The following SMYD3 variants were observed in gnomAD, a reference collection of about 807,000 sequenced individuals.
The protein encoded by SMYD3 is SET and MYND domain containing 3, also known as histone-lysine N-methyltransferase SMYD3.
A neutral mutation model predicts 57.7 loss-of-function variants in SMYD3; 36 were observed. The observed-to-expected ratio is 0.62, with a 90% confidence interval of 0.48 to 0.82. The LOEUF (loss-of-function observed/expected upper bound fraction) is 0.82, where lower values mean the gene tolerates loss of function less well. Ranked by LOEUF, SMYD3 falls within the 40% of genes least tolerant of loss-of-function variation. SMYD3 has a pLI of 0.00. For synonymous variants in SMYD3, 211 were observed against 195.0 expected (o/e 1.08, Z -0.68); for missense variants, 515 against 538.8 (o/e 0.96, Z 0.44).
At chr1:245,918,076 C>T (rs934127885) in intron 7 of SMYD3, among the ~76,000 whole-genome samples, 3 of 152,168 alleles carry the variant, frequency 2.0e-5, no homozygotes, top group African/African-American at 4.8e-5. Context: ...CCACCATGGC[C>T]GTCACCATCA....
intron 5 of SMYD3, among the ~76,000 whole-genome samples, chr1:246,057,563 C>T (rs1271814504): frequency 6.6e-6 from 1 of 152,136 alleles, no homozygotes; most frequent in African/African-American, 2.4e-5. Context: ...TACCACTACG[C>T]ACATATTAGA....
chr1:246,428,049 T>A (rs886664822), intron 1 of SMYD3, among the ~76,000 whole-genome samples: 2 of 152,128 alleles, frequency 1.3e-5, no homozygotes, highest in Admixed American at 1.3e-4. Flanking sequence ...TATAAAAAAA[T>A]TTTAGACCTC....
chr1:245,879,167 G>C (rs925645004), intron 8 of SMYD3, among the ~76,000 whole-genome samples: 1 of 152,170 alleles, frequency 6.6e-6, no homozygotes, highest in Non-Finnish European at 1.5e-5. Context: ...CAGTCGCTTA[G>C]GTTCCCATTT....
chr1:246,323,676 G>T (rs1456746499), intron 5 of SMYD3, among the ~76,000 whole-genome samples: 1 of 152,070 alleles, frequency 6.6e-6, no homozygotes, highest in African/African-American at 2.4e-5. Context: ...TTGACCTGCT[G>T]AAGTTTTCTG....
chr1:245,753,837 G>A (rs1222531150), intron 11 of SMYD3, among the ~76,000 whole-genome samples: 1 of 152,256 alleles, frequency 6.6e-6, no homozygotes, highest in Non-Finnish European at 1.5e-5. Flanking sequence ...CCATGCGCAT[G>A]TCAGAGAGGA....
chr1:246,065,368 G>A (rs897957245), intron 5 of SMYD3, among the ~76,000 whole-genome samples: 1 of 152,138 alleles, frequency 6.6e-6, no homozygotes, highest in African/African-American at 2.4e-5. Context: ...CTGAAAAACT[G>A]GGTAAAATGA....
chr1:246,507,056 G>A lies in SMYD3; in HGVS notation c.162C>T (p.Leu54=), dbSNP rs1278386828. ...SRGVVCDRCL[L]GKEKLMRCSQ... ...AGGCGAGGGCGCTCCTTACGCACCC[G>A]AGAAGGCAGCGGTCGCAGACGACGC... Residue 54 remains leucine, a splice_region_variant and synonymous_variant, in exon 1 of 12, where the codon CTC becomes CTT. Coordinates refer to ENST00000490107, the MANE Select transcript of SMYD3 (RefSeq NM_001167740.2). 3 of 1,409,408 alleles carry A rather than the reference G, an allele frequency of 2.1e-6. No individual in the cohort carries two copies. The highest frequency in any genetic ancestry group is 2.8e-6 in the Non-Finnish European group (3 of 1,070,806). 87.3% of individuals were successfully genotyped at this position (1,409,408 alleles called of 1,614,324 possible). A position where few individuals can be genotyped will look rare whatever the true frequency, so the allele number is the denominator to read the frequency against.
intron 10 of SMYD3, among the ~76,000 whole-genome samples, chr1:245,773,894 C>T (rs911790778): frequency 6.6e-6 from 1 of 152,174 alleles, no homozygotes; most frequent in Admixed American, 6.5e-5. Flanking sequence ...TCATTCAGAT[C>T]ATTCCTCAAG....
chr1:246,189,724 C>T (rs746278626), intron 5 of SMYD3, among the ~76,000 whole-genome samples: 45 of 152,082 alleles, frequency 3.0e-4, no homozygotes, highest in Non-Finnish European at 6.0e-4. Context: ...AAAGAGACCC[C>T]CTACGGTTTA....
intron 8 of SMYD3, among the ~76,000 whole-genome samples, chr1:245,902,519 G>A (rs539431959): frequency 6.6e-6 from 1 of 152,312 alleles, no homozygotes; most frequent in Admixed American, 6.5e-5. Flanking sequence ...CCCATCTCCA[G>A]TGGTGCCATA....
rs533470080 is a variant in SMYD3 at position 246,002,598 on chromosome 1, G to T, written c.532-72661C>A. On this transcript the variant is annotated intron_variant, in intron 5 of 11. Transcript: ENST00000490107. ...CTCCCAAAGTGCTGGGATTACAGGC[G>T]CCCGCCACCACGCCCGGCTAATTTT... Among the ~76,000 whole-genome samples, 654 of 129,268 alleles carry T rather than the reference G, an allele frequency of 5.1e-3. 1 individual carries two copies. Among genetic ancestry groups the T allele is most frequent in the African/African-American group, 0.017 (574 of 34,546 alleles). 84.8% of individuals were successfully genotyped at this position (129,268 alleles called of 152,430 possible).
At chr1:246,342,696 A>G (rs1236809083) in intron 2 of SMYD3, among the ~76,000 whole-genome samples, 1 of 152,224 alleles carries the variant, frequency 6.6e-6, no homozygotes, top group African/African-American at 2.4e-5. Flanking sequence ...TAATCAAATT[A>G]GATGAATAGA....
chr1:246,125,172 A>G (rs936717235), intron 5 of SMYD3, among the ~76,000 whole-genome samples: 1 of 152,120 alleles, frequency 6.6e-6, no homozygotes, highest in African/African-American at 2.4e-5. Context: ...ATTGGTAAAG[A>G]TGTTGATGGC....
intron 2 of SMYD3, among the ~76,000 whole-genome samples, chr1:246,341,109 C>T (rs1420841673): frequency 6.6e-6 from 1 of 152,172 alleles, no homozygotes; most frequent in Non-Finnish European, 1.5e-5. Flanking sequence ...CTTTCCATTA[C>T]TATTTAAATT....
At chr1:246,223,868 A>G (rs1021175704) in intron 5 of SMYD3, among the ~76,000 whole-genome samples, 2 of 152,178 alleles carry the variant, frequency 1.3e-5, no homozygotes, top group Non-Finnish European at 2.9e-5. Flanking sequence ...GCTAAATTCT[A>G]TAATTTCATT....
chr1:246,447,164 AAT>A (rs2067561142), intron 1 of SMYD3, among the ~76,000 whole-genome samples: 2 of 152,248 alleles, frequency 1.3e-5, no homozygotes, highest in African/African-American at 4.8e-5. Context: ...TAAAATGTTA[AAT>A]GTATTGTTAT....
rs545743901 is a variant in SMYD3, at chr1:245,824,488, G to A, written c.1076+34008C>T. On this transcript the variant is annotated intron_variant, in intron 10 of 11. Coordinates refer to ENST00000490107, the MANE Select transcript of SMYD3 (RefSeq NM_001167740.2). ...TCCCAGCACTTTGGGAGGCCAAGGC[G>A]GGTGGATCACTTGAGGTCAGGAGTT... 6.6e-5 allele frequency among the ~76,000 whole-genome samples: 10 copies of A among 151,990 alleles called. No homozygotes were observed. In the East Asian group the frequency reaches 9.7e-4, roughly 15 times the overall value.
chr1:245,751,785 C>T (rs534690661), intron 11 of SMYD3, among the ~76,000 whole-genome samples: 2 of 152,132 alleles, frequency 1.3e-5, no homozygotes, highest in African/African-American at 2.4e-5. Flanking sequence ...GAGATGCTGG[C>T]GGTGGGAATT....
chr1:245,954,719 T>C (rs1225364927), intron 5 of SMYD3, among the ~76,000 whole-genome samples: 17 of 152,146 alleles, frequency 1.1e-4, no homozygotes, highest in Admixed American at 3.3e-4. Context: ...TATTCCAAAT[T>C]CATGTGCTAA....
Sources: allele counts gnomAD v4.1 joint callset (sites outside exome capture counted in the v4.1 genomes callset), GRCh38; gene constraint gnomAD v4.1.1; transcripts MANE v1.5; gene names NCBI Gene and HGNC (gene_info 2026-07-23, HGNC 2026-07-21).